The following TANC2 variants were observed in gnomAD, a reference collection of about 807,000 sequenced individuals.
TANC2 encodes tetratricopeptide repeat, ankyrin repeat and coiled-coil containing 2.
In TANC2, 26 loss-of-function variants were observed where a neutral mutation model predicts 210.5. The observed-to-expected ratio is 0.12, with a 90% CI of 0.09 to 0.17. The LOEUF (loss-of-function observed/expected upper bound fraction) is 0.17, where lower values mean the gene tolerates loss of function less well. Ranked by LOEUF, TANC2 falls within the 10% of genes least tolerant of loss-of-function variation. The pLI is 1.00. For missense variants in TANC2, 2,129 were observed against 2,608.9 expected (o/e 0.82, Z 4.01); for synonymous variants, 931 against 967.1 (o/e 0.96, Z 0.69).
chr17:63,253,569 T>G (rs1405381012), intron 8 of TANC2, among the ~76,000 whole-genome samples: 1 of 152,204 alleles, frequency 6.6e-6, no homozygotes, highest in Non-Finnish European at 1.5e-5. Context: ...GTTTCATAGT[T>G]TGGGGTCTTA....
intron 3 of TANC2, chr17:63,089,297 C>T (rs2037093273): frequency 6.6e-6 from 1 of 152,206 alleles, no homozygotes; most frequent in Non-Finnish European, 1.5e-5. Flanking sequence ...TACCCTAATA[C>T]CCATGTCTCA....
At chr17:63,394,882 C>T (rs2048104408) in intron 17 of TANC2, among the ~76,000 whole-genome samples, 2 of 152,228 alleles carry the variant, frequency 1.3e-5, no homozygotes, top group Admixed American at 6.5e-5. Flanking sequence ...TATTTACTGT[C>T]TTATTCACCT....
At chr17:63,087,948 T>A (rs181853414) in intron 3 of TANC2, among the ~76,000 whole-genome samples, 163 of 152,334 alleles carry the variant, frequency 1.1e-3, no homozygotes, top group African/African-American at 3.8e-3. Context: ...GTTTAGTTTT[T>A]TACATGTTAG....
chr17:63,123,867 G>A (rs7213239), intron 4 of TANC2, among the ~76,000 whole-genome samples: 60,817 of 150,572 alleles, frequency 0.4, 13,708 homozygotes, highest in African/African-American at 0.62. Context: ...ACGCCCAGCT[G>A]ATTTTTTTTA....
At chr17:63,182,189 AG>A (rs1209336424) in intron 5 of TANC2, 2 of 160,576 alleles carry the variant, frequency 1.2e-5, no homozygotes, top group Non-Finnish European at 2.7e-5. Flanking sequence ...ATGAAGTTCT[AG>A]GCATGTAGAG....
At chr17:63,354,314 A>T (rs561913676) in intron 13 of TANC2, among the ~76,000 whole-genome samples, 1 of 152,284 alleles carries the variant, frequency 6.6e-6, no homozygotes, top group African/African-American at 2.4e-5. Flanking sequence ...GTCATTTTAT[A>T]CATCTGTGTT....
At chr17:63,407,128 C>CT (rs1166355254) in intron 21 of TANC2, among the ~76,000 whole-genome samples, 1 of 152,224 alleles carries the variant, frequency 6.6e-6, no homozygotes, top group African/African-American at 2.4e-5. Flanking sequence ...AATTAGGTTT[C>CT]TTCTAAGATT....
At chr17:63,392,603 C>G (rs964558619) in intron 17 of TANC2, among the ~76,000 whole-genome samples, 1 of 152,176 alleles carries the variant, frequency 6.6e-6, no homozygotes, top group Non-Finnish European at 1.5e-5. Context: ...CTCATCTCAT[C>G]TATTACACAC....
chr17:63,097,428 C>CA (rs1482903092), intron 3 of TANC2, among the ~76,000 whole-genome samples: 1 of 151,906 alleles, frequency 6.6e-6, no homozygotes, highest in African/African-American at 2.4e-5. Context: ...AAAGTAATGG[C>CA]AAAAAACTGC....
rs185668127 is a variant in TANC2 at position 63,212,128 on chromosome 17, T to C, written c.769+11171T>C. On this transcript the variant is annotated intron_variant, in intron 7 of 27. Coordinates refer to ENST00000689528, the Ensembl canonical transcript of TANC2. ...CCCACCTATGAGTGAGAACATGCAGTGTTTGGTTTTCTGTCCTTGTGATAG... is the reference window on the plus strand; with the variant it reads ...CCCACCTATGAGTGAGAACATGCAGCGTTTGGTTTTCTGTCCTTGTGATAG... Among the ~76,000 whole-genome samples the C allele has an allele frequency of 8.4e-3, 1,277 of 152,054 alleles. 15 individuals are homozygous for C. The highest frequency in any genetic ancestry group is 0.028 in the African/African-American group (1,168 of 41,466).
intron 9 of TANC2, among the ~76,000 whole-genome samples, chr17:63,312,677 A>G (rs1011656720): frequency 1.3e-5 from 2 of 152,202 alleles, no homozygotes; most frequent in Non-Finnish European, 2.9e-5. Context: ...ATCACACACT[A>G]TACCCAGATA....
chr17:63,273,997 A>G (rs2043796920), intron 9 of TANC2, among the ~76,000 whole-genome samples: 3 of 152,178 alleles, frequency 2.0e-5, no homozygotes, highest in South Asian at 4.1e-4. Context: ...CCATCAGTCT[A>G]TTTACAAAAG....
intron 5 of TANC2, chr17:63,153,711 TG>T (rs2039738764): frequency 6.6e-6 from 1 of 152,208 alleles, no homozygotes; most frequent in Admixed American, 6.5e-5. Flanking sequence ...TGAAAGTCTT[TG>T]GGGTTCCTTC....
At chr17:63,125,984 T>C (rs548624254) in intron 4 of TANC2, among the ~76,000 whole-genome samples, 12 of 152,312 alleles carry the variant, frequency 7.9e-5, no homozygotes, top group Non-Finnish European at 1.5e-4. Flanking sequence ...CTTGGGCAAG[T>C]AACTTAACCT....
At chr17:63,162,030 C>T (rs1175422347) in intron 5 of TANC2, among the ~76,000 whole-genome samples, 5 of 152,102 alleles carry the variant, frequency 3.3e-5, no homozygotes, top group Non-Finnish European at 2.9e-5. Flanking sequence ...GCAGGCTGGG[C>T]GCGGTGGCTC....
At position 63,112,830 on chromosome 17, in the gene TANC2, A is replaced by G. The variant is rs550964213; in HGVS notation, c.322+13473A>G. Among the ~76,000 whole-genome samples the G allele has an allele frequency of 3.3e-5, 5 of 152,306 alleles. No individual in the cohort carries two copies. The East Asian group carries it at 9.7e-4, about 29-fold the overall frequency. The stretch of plus-strand genomic sequence containing the variant: ...TAGCTCCTGTGTTGTGTTTCCAAGA[A>G]TTGGGTATCAGTTTTAAACATGGAA... On this transcript the variant is annotated intron_variant, in intron 4 of 27. Coordinates refer to ENST00000689528, the Ensembl canonical transcript of TANC2.
intron 5 of TANC2, among the ~76,000 whole-genome samples, chr17:63,166,217 C>T (rs1028633843): frequency 1.3e-5 from 2 of 152,096 alleles, no homozygotes; most frequent in Non-Finnish European, 2.9e-5. Flanking sequence ...GCATTTGAAA[C>T]CCTGTTCCCC....
chr17:63,253,871 ACTC>A (rs2043118336), intron 8 of TANC2, among the ~76,000 whole-genome samples: 1 of 151,680 alleles, frequency 6.6e-6, no homozygotes, highest in Non-Finnish European at 1.5e-5. Context: ...CTGGTCTCAA[ACTC>A]CTGGGCTCAA....
chr17:63,405,480 T>A (rs892363232), intron 20 of TANC2, among the ~76,000 whole-genome samples: 3 of 152,262 alleles, frequency 2.0e-5, no homozygotes, highest in Admixed American at 2.0e-4. Flanking sequence ...TAACTACTTA[T>A]GTCCTGGTGA....
Sources: gnomAD v4.1 joint callset for allele counts (sites outside exome capture counted in the v4.1 genomes callset) on GRCh38, gnomAD v4.1.1 for gene constraint, MANE v1.5 for transcripts, NCBI Gene and HGNC (gene_info 2026-07-23, HGNC 2026-07-21) for gene names.